Variants in KCNH1 observed in about 807,000 individuals in gnomAD.
The protein encoded by KCNH1 is potassium voltage-gated channel subfamily H member 1, also known as voltage-gated delayed rectifier potassium channel KCNH1.
KCNH1 carries 27 observed loss-of-function variants against 69.2 expected under a neutral mutation model. The observed-to-expected ratio is 0.39, with a 90% CI of 0.29 to 0.54. The LOEUF (loss-of-function observed/expected upper bound fraction) is 0.54. Among genes scored for constraint, KCNH1 ranks in the 20% least tolerant of loss-of-function variants. The pLI is 0.68. For missense variants in KCNH1, 798 were observed against 1,261.6 expected, an observed-to-expected ratio of 0.63 and a Z score of 5.57; for synonymous variants, 456 against 487.7, an observed-to-expected ratio of 0.93 and a Z score of 0.86.
chr1:211,094,336 C>T (rs1169456048), intron 3 of KCNH1, among the ~76,000 whole-genome samples: 1 of 152,176 alleles, frequency 6.6e-6, no homozygotes, highest in Non-Finnish European at 1.5e-5. Flanking sequence ...TCACCTCCTG[C>T]TATGTGGCCC....
intron 5 of KCNH1, among the ~76,000 whole-genome samples, chr1:211,046,147 T>C (rs1048275170): frequency 6.6e-6 from 1 of 152,212 alleles, no homozygotes; most frequent in African/African-American, 2.4e-5. Flanking sequence ...GTTTCTTCCA[T>C]GTCTTGGCTA....
At chr1:211,024,505 G>A (rs1474031706) in intron 5 of KCNH1, among the ~76,000 whole-genome samples, 1 of 152,178 alleles carries the variant, frequency 6.6e-6, no homozygotes, top group African/African-American at 2.4e-5. Context: ...AAAGGAAAGC[G>A]GAAACTAGAC....
At chr1:210,909,331 A>T (rs1183621385) in intron 7 of KCNH1, among the ~76,000 whole-genome samples, 1 of 152,168 alleles carries the variant, frequency 6.6e-6, no homozygotes, top group African/African-American at 2.4e-5. Context: ...TTACACACTC[A>T]TCCAACACCT....
chr1:211,001,998 A>C, intron 6 of KCNH1, among the ~76,000 whole-genome samples: 1 of 138,430 alleles, frequency 7.2e-6, no homozygotes. Flanking sequence ...AACAGCACAC[A>C]CTGGGGCCTG....
chr1:210,964,125 A>T (rs1425260793), intron 6 of KCNH1, among the ~76,000 whole-genome samples: 1 of 151,938 alleles, frequency 6.6e-6, no homozygotes, highest in Non-Finnish European at 1.5e-5. Context: ...AGAAGTGGGG[A>T]CCAATAATCA....
At chr1:210,943,543 G>A (rs1162949752) in intron 6 of KCNH1, among the ~76,000 whole-genome samples, 4 of 151,726 alleles carry the variant, frequency 2.6e-5, no homozygotes, top group East Asian at 1.9e-4. Flanking sequence ...TAGCAGAGAC[G>A]GAGTTTCACC....
At chr1:211,057,059 A>T (rs1690323756) in intron 5 of KCNH1, among the ~76,000 whole-genome samples, 1 of 152,240 alleles carries the variant, frequency 6.6e-6, no homozygotes, top group South Asian at 2.1e-4. Context: ...AATCCCAGAG[A>T]GACAGAGATA....
chr1:211,017,652 T>TC (rs1248518849), intron 6 of KCNH1, among the ~76,000 whole-genome samples: 2 of 152,210 alleles, frequency 1.3e-5, no homozygotes, highest in Non-Finnish European at 2.9e-5. Flanking sequence ...CTTGACATCC[T>TC]CACTGTTTCA....
At chr1:211,108,014 T>C (rs541665811) in intron 1 of KCNH1, among the ~76,000 whole-genome samples, 2 of 152,326 alleles carry the variant, frequency 1.3e-5, no homozygotes, top group Admixed American at 1.3e-4. Flanking sequence ...CTTGCTAATT[T>C]TGAAATTCTT....
chr1:210,803,491 AAGTC>A (rs1457907837), intron 8 of KCNH1, among the ~76,000 whole-genome samples: 1 of 152,252 alleles, frequency 6.6e-6, no homozygotes, highest in African/African-American at 2.4e-5. Context: ...AATGCTAAAA[AAGTC>A]AGTAATCAAG....
rs1477695040 is a variant in KCNH1, at chr1:211,018,797, C to G, written c.1018G>C (p.Gly340Arg). The change falls in exon 6 of 11, where the codon GGG becomes CGG. Residue 340 changes from glycine (G) to arginine (R), a missense_variant. Transcript: ENST00000271751. ...FADQIPPPLE[G>R]RESQGISSLF... ...GAGGGATGTACCTGACTCTCTCTCCCCTCCAGTGGTGGTGGAATCTGATCA... is the reference window on the plus strand; with the variant it reads ...GAGGGATGTACCTGACTCTCTCTCCGCTCCAGTGGTGGTGGAATCTGATCA... The G allele has an allele frequency of 6.2e-7, 1 of 1,606,858 alleles. No individual in the cohort carries two copies. The highest frequency in any genetic ancestry group is 1.7e-5 in the Admixed American group (1 of 59,410).
intron 7 of KCNH1, among the ~76,000 whole-genome samples, chr1:210,882,570 C>A (rs1294095359): frequency 5.3e-5 from 8 of 152,162 alleles, no homozygotes; most frequent in Non-Finnish European, 8.8e-5. Flanking sequence ...AAACCCACCT[C>A]CGCCCCCTTT....
intron 6 of KCNH1, among the ~76,000 whole-genome samples, chr1:210,994,422 T>A (rs1157848480): frequency 6.6e-6 from 1 of 152,164 alleles, no homozygotes; most frequent in African/African-American, 2.4e-5. Flanking sequence ...GTAAGAAGAT[T>A]ATACAACATA....
chr1:210,902,589 G>T (rs75476558), intron 7 of KCNH1, among the ~76,000 whole-genome samples: 1 of 152,132 alleles, frequency 6.6e-6, no homozygotes, highest in Non-Finnish European at 1.5e-5. Context: ...CCACAGACCC[G>T]CCATATGGCT....
At chr1:211,121,993 C>T (rs1454281911) in intron 1 of KCNH1, among the ~76,000 whole-genome samples, 1 of 152,104 alleles carries the variant, frequency 6.6e-6, no homozygotes, top group African/African-American at 2.4e-5. Context: ...AAAAAATTAG[C>T]TGGACACGGT....
intron 7 of KCNH1, among the ~76,000 whole-genome samples, chr1:210,851,633 A>G (rs576212715): frequency 2.0e-5 from 3 of 152,348 alleles, no homozygotes; most frequent in Admixed American, 2.0e-4. Context: ...TGAGCATCAT[A>G]GAGTATACTC....
rs148475365 is a variant in KCNH1, at chr1:210,837,488, G to T, written c.1463-33322C>A. On this transcript the variant is annotated intron_variant, in intron 7 of 10. Transcript: ENST00000271751. ...CAGCAAATGAGTTCAATAAAATAGC[G>T]ACCTGAAGATCCATGACAAAGAGAG... is the stretch of plus-strand genomic sequence containing the variant. Among the ~76,000 whole-genome samples, 789 of 152,240 alleles carry T rather than the reference G, an allele frequency of 5.2e-3. 9 individuals are homozygous for T. The highest frequency in any genetic ancestry group is 0.018 in the African/African-American group (747 of 41,540).
intron 5 of KCNH1, among the ~76,000 whole-genome samples, chr1:211,054,680 C>T (rs4592307): frequency 0.73 from 111,401 of 152,108 alleles, 41,254 homozygotes; most frequent in South Asian, 0.81. Context: ...CCTTGTTTTG[C>T]GCTAGAAGCA....
chr1:210,995,776 T>C (rs1219009676), intron 6 of KCNH1, among the ~76,000 whole-genome samples: 2 of 152,216 alleles, frequency 1.3e-5, no homozygotes, highest in African/African-American at 4.8e-5. Context: ...TGCCACTAAA[T>C]AGGTTACATT....
Sources: allele counts gnomAD v4.1 joint callset (sites outside exome capture counted in the v4.1 genomes callset), GRCh38; gene constraint gnomAD v4.1.1; transcripts MANE v1.5; gene names NCBI Gene and HGNC (gene_info 2026-07-23, HGNC 2026-07-21).